Variants in STX11 observed in about 807,000 individuals in gnomAD.
STX11 encodes the protein syntaxin-11.
STX11 carries 21 observed loss-of-function variants against 19.9 expected under a neutral mutation model. That is an observed-to-expected ratio of 1.06 (90% CI 0.75 to 1.52). STX11 has a LOEUF of 1.52. Ranked by LOEUF, STX11 falls within the 40% of genes most tolerant of loss-of-function variation. The pLI, the probability that STX11 is intolerant of heterozygous loss-of-function variation, is 0.00. For missense variants in STX11, 438 were observed against 405.9 expected (o/e 1.08, Z -0.68); for synonymous variants, 193 against 174.4 (o/e 1.11, Z -0.84).
At position 144,184,251 on chromosome 6, in the gene STX11, C is replaced by T. The variant is rs1801976105; in HGVS notation, c.-5-2372C>T. On this transcript the variant is annotated intron_variant, in intron 1 of 1. Transcript: ENST00000367568. The surrounding 1 kb of genome is among the most constrained non-coding windows in gnomAD (Gnocchi z 6.5). ...GCTGGCTCAAATGGTGTTTCCAGTT[C>T]TAAATCTTTGAGGAATTGCCACACT... Among the ~76,000 whole-genome samples the T allele has an allele frequency of 6.6e-6, 1 of 152,152 alleles. No individual in the cohort carries two copies. The highest frequency in any genetic ancestry group is 2.4e-5 in the African/African-American group (1 of 41,414).
rs967154257 is a variant in STX11, at chr6:144,151,844, A to T, written c.-6+1141A>T. ...TTTGAAGCGGGTGGGTCCCAGCGGG[A>T]GCAGAGAAATTTAAAAGTTGAAGCT... On this transcript the variant is annotated intron_variant, in intron 1 of 1. Coordinates refer to ENST00000367568, the MANE Select transcript of STX11 (RefSeq NM_003764.4). This position sits in a 1 kb window ranked among gnomAD's most constrained non-coding sequence, Gnocchi z 4.6. Among the ~76,000 whole-genome samples the T allele has an allele frequency of 5.3e-5, 8 of 152,166 alleles. No homozygotes were observed. Among genetic ancestry groups the T allele is most frequent in the African/African-American group, 1.7e-4 (7 of 41,434 alleles).
At chr6:144,142,847 GCTAA>G in the STX11 span, among the ~76,000 whole-genome samples, 1 of 152,142 alleles carries the variant, frequency 6.6e-6, no homozygotes, top group Non-Finnish European at 1.5e-5. Flanking sequence ...TTCCATTGTT[GCTAA>G]CTATAGCTAG....
In STX11 at chr6:144,170,012, A is replaced by G. The variant is rs1801587701; in HGVS notation, c.-5-16611A>G. Among the ~76,000 whole-genome samples the G allele has an allele frequency of 6.6e-6, 1 of 152,018 alleles. No homozygotes were observed. Among genetic ancestry groups the G allele is most frequent in the Non-Finnish European group, 1.5e-5 (1 of 67,998 alleles). On this transcript the variant is annotated intron_variant, in intron 1 of 1. Coordinates refer to ENST00000367568, the MANE Select transcript of STX11 (RefSeq NM_003764.4). This position sits in a 1 kb window ranked among gnomAD's most constrained non-coding sequence, Gnocchi z 4.7. ...TTTTTTAACTTAACTTCTGTTCATC[A>G]TTTTCAGGATGGAACTTCAACAATT...
chr6:144,154,725 T>G lies in STX11; in HGVS notation c.-6+4022T>G, dbSNP rs17073442. Among the ~76,000 whole-genome samples the G allele has an allele frequency of 5.8e-3, 891 of 152,326 alleles. 34 individuals carry two copies. The East Asian group carries it at 0.11, about 18-fold the overall frequency. The stretch of plus-strand genomic sequence containing the variant: ...TGTGATCTGCCTTTTGAATCCTATT[T>G]TGTTCTAGTTTTACCCTGAAGCAGG... On this transcript the variant is annotated intron_variant, in intron 1 of 1. Coordinates refer to ENST00000367568, the MANE Select transcript of STX11 (RefSeq NM_003764.4). The surrounding 1 kb of genome is among the most constrained non-coding windows in gnomAD (Gnocchi z 4.7).
At chr6:144,148,259 G>A (rs1035596692), upstream of STX11, among the ~76,000 whole-genome samples, 6 of 152,082 alleles carry the variant, frequency 3.9e-5, no homozygotes, top group Admixed American at 6.6e-5. Context: ...TTTTGCCCAC[G>A]CTGATATTTC....
rs556366363 is a variant in STX11 at position 144,178,568 on chromosome 6, C to T, written c.-5-8055C>T. Among the ~76,000 whole-genome samples the T allele has an allele frequency of 6.6e-4, 100 of 152,236 alleles. No individual in the cohort carries two copies. In the Middle Eastern group the frequency reaches 0.01, roughly 16 times the overall value. ...AATTCTGATTGAGGAAACTGAAAAG[C>T]GAATTATGTCAGAGGGCATCAAATG... is the stretch of plus-strand genomic sequence containing the variant. On this transcript the variant is annotated intron_variant, in intron 1 of 1. Transcript: ENST00000367568.
intron 1 of STX11, among the ~76,000 whole-genome samples, chr6:144,178,972 T>A (rs1054976579): frequency 1.3e-5 from 2 of 152,228 alleles, no homozygotes; most frequent in Non-Finnish European, 2.9e-5. Context: ...GTTTTCATGC[T>A]GCTGATAAAG....
intron 1 of STX11, among the ~76,000 whole-genome samples, chr6:144,164,288 T>G (rs1422091708): frequency 6.6e-6 from 1 of 152,212 alleles, no homozygotes; most frequent in Non-Finnish European, 1.5e-5. Context: ...ATTTCTATGC[T>G]GTTGTGTATA....
chr6:144,173,868 C>T (rs576160267), intron 1 of STX11, among the ~76,000 whole-genome samples: 21 of 152,376 alleles, frequency 1.4e-4, no homozygotes, highest in African/African-American at 5.0e-4. Flanking sequence ...CACCTGCTAT[C>T]TGGTGCCAAA....
rs747916908 is a variant in STX11 at position 144,159,542 on chromosome 6, C to A, written c.-6+8839C>A. On this transcript the variant is annotated intron_variant, in intron 1 of 1. Coordinates refer to ENST00000367568, the MANE Select transcript of STX11 (RefSeq NM_003764.4). The surrounding 1 kb of genome is among the most constrained non-coding windows in gnomAD (Gnocchi z 4.3). ...TGTGTGTGTGTGTGTGTGTGTCCGT[C>A]CAGTATGTGGAAAAAGACAGTACAG... Among the ~76,000 whole-genome samples the A allele has an allele frequency of 2.0e-5, 3 of 151,524 alleles. No homozygotes were observed. The highest frequency in any genetic ancestry group is 2.9e-5 in the Non-Finnish European group (2 of 67,926).
Position 144,187,303 on chromosome 6 carries a change from G to T in STX11, c.676G>T (p.Glu226Ter). 6.2e-7 allele frequency: 1 copy of T among 1,612,278 alleles called. No individual in the cohort carries two copies. Among genetic ancestry groups the T allele is most frequent in the Non-Finnish European group, 8.5e-7 (1 of 1,179,956 alleles). Residue 226 changes from glutamate to a stop codon, truncating the protein, a stop_gained, in exon 2 of 2, where the codon GAG (glutamate) becomes TAG (stop). Transcript: ENST00000367568. LOFTEE classifies it high-confidence loss of function. This position sits in a 1 kb window ranked among gnomAD's most constrained non-coding sequence, Gnocchi z 5.6. ...RLESRIRDVH[E>*]LFLQMAVLVE... is the part of the protein sequence containing the mutation. ...GGAGAGCCGCATCCGCGACGTACACGAGCTCTTCTTGCAGATGGCGGTGCT... is the reference window on the plus strand; with the variant it reads ...GGAGAGCCGCATCCGCGACGTACACTAGCTCTTCTTGCAGATGGCGGTGCT...
the STX11 span, among the ~76,000 whole-genome samples, chr6:144,144,746 G>A: frequency 1.3e-5 from 2 of 152,140 alleles, no homozygotes; most frequent in East Asian, 3.8e-4. Context: ...TCTAGAACAA[G>A]GTGTACTGGC....
At chr6:144,185,717 T>TA in intron 1 of STX11, among the ~76,000 whole-genome samples, 1 of 152,334 alleles carries the variant, frequency 6.6e-6, no homozygotes, top group East Asian at 1.9e-4. Context: ...AAAAGCATTT[T>TA]AAAAAGCAGT....
Position 144,159,974 on chromosome 6 carries a change from C to T in STX11, c.-6+9271C>T, listed in dbSNP as rs1801291685. The stretch of plus-strand genomic sequence containing the variant: ...CCCAGCTTGGTGGCTCATGCTGGGT[C>T]CTTTTTCTCCTTTTCTGGCCAGTTC... On this transcript the variant is annotated intron_variant, in intron 1 of 1. Transcript: ENST00000367568. This position sits in a 1 kb window ranked among gnomAD's most constrained non-coding sequence, Gnocchi z 4.3. 6.6e-6 allele frequency among the ~76,000 whole-genome samples: 1 copy of T among 151,982 alleles called. No individual in the cohort carries two copies. Among genetic ancestry groups the T allele is most frequent in the Non-Finnish European group, 1.5e-5 (1 of 67,994 alleles).
At position 144,156,000 on chromosome 6, in the gene STX11, TTCTTTCTTTCTTTCTC is replaced by T. The variant is rs1801140886; in HGVS notation, c.-6+5305_-6+5320del. ...TTTCTTTCTTTCTTTCTTTCTTTCT[TTCTTTCTTTCTTTCTC>T]TCTTTCTCTCCTTCCTTCCTTCCTT... On this transcript the variant is annotated intron_variant, in intron 1 of 1. Transcript: ENST00000367568. The surrounding 1 kb of genome is among the most constrained non-coding windows in gnomAD (Gnocchi z 4.5). Among the ~76,000 whole-genome samples the T allele has an allele frequency of 1.6e-4, 18 of 112,464 alleles. No homozygotes were observed. The highest frequency in any genetic ancestry group is 3.1e-4 in the African/African-American group (7 of 22,422). The allele number at this position is 112,464 out of a possible 152,430, so 73.8% of individuals were successfully genotyped here.
At chr6:144,145,642 C>T (rs572231862), upstream of STX11, among the ~76,000 whole-genome samples, 4 of 152,142 alleles carry the variant, frequency 2.6e-5, no homozygotes, top group East Asian at 7.7e-4. Context: ...GTGAAATAAG[C>T]CAGGCACAGA....
chr6:144,143,416 G>A, the STX11 span, among the ~76,000 whole-genome samples: 2 of 152,088 alleles, frequency 1.3e-5, no homozygotes, highest in African/African-American at 2.4e-5. Flanking sequence ...TTTAAATAAG[G>A]GGTCTATTAT....
At position 144,152,135 on chromosome 6, in the gene STX11, G is replaced by C. The variant is rs1022626336; in HGVS notation, c.-6+1432G>C. On this transcript the variant is annotated intron_variant, in intron 1 of 1. Transcript: ENST00000367568. The surrounding 1 kb of genome is among the most constrained non-coding windows in gnomAD (Gnocchi z 4.9). ...GTGCCAATATAACTCAATATGCTGG[G>C]TCCCAGTGTATTTAAAGAGTAGACT... is the stretch of plus-strand genomic sequence containing the variant. Among the ~76,000 whole-genome samples the C allele has an allele frequency of 6.6e-6, 1 of 152,102 alleles. No homozygotes were observed. The highest frequency in any genetic ancestry group is 2.4e-5 in the African/African-American group (1 of 41,410).
chr6:144,182,792 A>G lies in STX11; in HGVS notation c.-5-3831A>G, dbSNP rs530912812. ...GTCCCTTATCTACCCATTTCCTTCCATTGAAGTGCCTTGTAAGGCTTGGCC... is the reference window on the plus strand; with the variant it reads ...GTCCCTTATCTACCCATTTCCTTCCGTTGAAGTGCCTTGTAAGGCTTGGCC... On this transcript the variant is annotated intron_variant, in intron 1 of 1. Coordinates refer to ENST00000367568, the MANE Select transcript of STX11 (RefSeq NM_003764.4). This position sits in a 1 kb window ranked among gnomAD's most constrained non-coding sequence, Gnocchi z 4.8. 1.2e-4 allele frequency among the ~76,000 whole-genome samples: 18 copies of G among 152,246 alleles called. No individual in the cohort carries two copies. In the East Asian group the frequency reaches 3.3e-3, roughly 28 times the overall value.
Sources: allele counts gnomAD v4.1 joint callset (sites outside exome capture counted in the v4.1 genomes callset), GRCh38; gene constraint gnomAD v4.1.1; non-coding constraint Gnocchi (gnomAD v3.1); transcripts MANE v1.5; gene names NCBI Gene and HGNC (gene_info 2026-07-23, HGNC 2026-07-21).